Variants in XYLB observed in about 807,000 individuals in gnomAD.
XYLB encodes the protein xylulose kinase.
In XYLB, 62 loss-of-function variants were observed where a neutral mutation model predicts 78.7. That is an observed-to-expected ratio of 0.79 (90% CI 0.64 to 0.97). The LOEUF (loss-of-function observed/expected upper bound fraction) is 0.97. XYLB is among the 50% of genes least tolerant of loss of function. XYLB has a pLI of 0.00. For missense variants in XYLB, 687 were observed against 676.8 expected (o/e 1.02, Z -0.17); for synonymous variants, 245 against 247.4 (o/e 0.99, Z 0.09).
chr3:38,393,461 A>G (rs1328561389), intron 15 of XYLB, among the ~76,000 whole-genome samples: 1 of 152,066 alleles, frequency 6.6e-6, no homozygotes, highest in East Asian at 1.9e-4. Flanking sequence ...TCCTGTTTCT[A>G]CTTCATGGGT....
chr3:38,364,998 G>A (rs1559581592), intron 4 of XYLB, among the ~76,000 whole-genome samples: 1 of 152,186 alleles, frequency 6.6e-6, no homozygotes, highest in Non-Finnish European at 1.5e-5. Context: ...TAAGTTGTAG[G>A]GTAGACAGGG....
Position 38,379,326 on chromosome 3 carries a change from C to T in XYLB, c.1275C>T (p.Gly425=), listed in dbSNP as rs1360378495. 6.2e-7 allele frequency: 1 copy of T among 1,614,088 alleles called. No homozygotes were observed. Among genetic ancestry groups the T allele is most frequent in the East Asian group, 2.2e-5 (1 of 44,874 alleles). ...QFMAKRIHAE[G]LGYRVMSKTK... ...TGGCCAAGAGGATTCACGCAGAAGG[C>T]CTGGGCTATCGAGTCAGTAAGTGAG... Residue 425 remains glycine, a synonymous_variant, in exon 15 of 19, where the codon GGC becomes GGT. Coordinates refer to ENST00000207870, the MANE Select transcript of XYLB (RefSeq NM_005108.4).
the XYLB span, among the ~76,000 whole-genome samples, chr3:38,450,473 G>A: frequency 6.6e-6 from 1 of 152,140 alleles, no homozygotes; most frequent in Non-Finnish European, 1.5e-5. Flanking sequence ...GGGTGGGGAA[G>A]CCAGGGAATA....
At chr3:38,449,856 A>G in the XYLB span, among the ~76,000 whole-genome samples, 3 of 152,248 alleles carry the variant, frequency 2.0e-5, no homozygotes, top group Non-Finnish European at 4.4e-5. Context: ...TTAGCACAGC[A>G]TAATCTAATC....
In XYLB at chr3:38,376,960, G is replaced by T. The variant is rs760852858; in HGVS notation, c.1163G>T (p.Gly388Val). Reference protein sequence around the residue: ...DVMEITPEIIGRHRFNTENHK... With the variant: ...DVMEITPEIIVRHRFNTENHK... ...ATGGAGATCACCCCTGAAATTATTG[G>T]ACGTCATAGGTTTAACACAGAAAAC... The change falls in exon 14 of 19, where the codon GGA becomes GTA. Residue 388 changes from glycine to valine, a missense_variant. Gly to Val is a moderately radical substitution (Grantham distance 109). Coordinates refer to ENST00000207870, the MANE Select transcript of XYLB (RefSeq NM_005108.4). 1 of 1,613,976 alleles carries T rather than the reference G, an allele frequency of 6.2e-7. No homozygotes were observed. Among genetic ancestry groups the T allele is most frequent in the South Asian group, 1.1e-5 (1 of 91,056 alleles).
chr3:38,446,415 C>T, the XYLB span, among the ~76,000 whole-genome samples: 1 of 152,190 alleles, frequency 6.6e-6, no homozygotes, highest in Admixed American at 6.5e-5. Context: ...GAAAAGTTCT[C>T]CAAGTCCCCA....
At chr3:38,389,518 C>T (rs535793800) in intron 15 of XYLB, among the ~76,000 whole-genome samples, 190 of 151,882 alleles carry the variant, frequency 1.3e-3, no homozygotes, top group African/African-American at 4.3e-3. Context: ...CCAGAAGGGG[C>T]GGCCGGGCAG....
At chr3:38,365,144 G>T in intron 4 of XYLB, 55 bp from the exon 5 acceptor site, 1 of 1,550,812 alleles carries the variant, frequency 6.4e-7, no homozygotes, top group South Asian at 1.1e-5. Flanking sequence ...GTGTCTTCAG[G>T]AGGCTGTGAC....
chr3:38,420,381 AG>A (rs1294940542), exon 18 of XYLB, among the ~76,000 whole-genome samples: 1 of 152,230 alleles, frequency 6.6e-6, no homozygotes, highest in East Asian at 1.9e-4. Flanking sequence ...TCCTGATCTT[AG>A]CGGACAGCAT....
intron 2 of XYLB, among the ~76,000 whole-genome samples, chr3:38,358,564 G>T (rs1093692): frequency 0.89 from 135,750 of 151,850 alleles, 61,278 homozygotes; most frequent in East Asian, 1. Flanking sequence ...GGTTGGTCTT[G>T]AACTCCCGAC....
At chr3:38,429,875 AG>A in the XYLB span, among the ~76,000 whole-genome samples, 1 of 152,164 alleles carries the variant, frequency 6.6e-6, no homozygotes, top group African/African-American at 2.4e-5. Flanking sequence ...GTCCCTGCAA[AG>A]GACATGAACT....
chr3:38,447,309 T>G, the XYLB span, among the ~76,000 whole-genome samples: 4 of 152,096 alleles, frequency 2.6e-5, no homozygotes, highest in Non-Finnish European at 5.9e-5. Context: ...AACTCTTTTT[T>G]ATTTTATTTT....
chr3:38,445,736 G>T, the XYLB span, among the ~76,000 whole-genome samples: 1 of 152,192 alleles, frequency 6.6e-6, no homozygotes, highest in Non-Finnish European at 1.5e-5. Flanking sequence ...AAGAGTCAGG[G>T]TTTGTTAGAG....
chr3:38,381,069 G>A (rs1265074915), intron 15 of XYLB, among the ~76,000 whole-genome samples: 3 of 152,216 alleles, frequency 2.0e-5, no homozygotes, highest in African/African-American at 7.2e-5. Flanking sequence ...CCAGGAGTTC[G>A]AGACCAGACT....
chr3:38,416,690 G>T (rs923272208), downstream of XYLB, among the ~76,000 whole-genome samples: 3 of 152,168 alleles, frequency 2.0e-5, no homozygotes, highest in African/African-American at 7.2e-5. Flanking sequence ...ATCCATATCT[G>T]AAAAGGTAGA....
chr3:38,431,128 C>A, the XYLB span, among the ~76,000 whole-genome samples: 1 of 152,196 alleles, frequency 6.6e-6, no homozygotes, highest in Admixed American at 6.5e-5. Context: ...GGCATTGAAT[C>A]TATAAATTAC....
chr3:38,435,495 G>A, the XYLB span, among the ~76,000 whole-genome samples: 1 of 152,256 alleles, frequency 6.6e-6, no homozygotes, highest in South Asian at 2.1e-4. Context: ...CAATCATAGT[G>A]GGGGACTTCA....
the XYLB span, among the ~76,000 whole-genome samples, chr3:38,449,164 C>A: frequency 6.6e-6 from 1 of 152,040 alleles, no homozygotes; most frequent in Non-Finnish European, 1.5e-5. Flanking sequence ...TGCTCTGTTG[C>A]CAGGCTGGAG....
chr3:38,376,880 G>C, intron 13 of XYLB, 38 bp from the exon 14 acceptor site: 1 of 1,575,380 alleles, frequency 6.3e-7, no homozygotes, highest in East Asian at 2.2e-5. Flanking sequence ...TTTGTTTTTT[G>C]ACTAATGACG....
Sources: gnomAD v4.1 joint callset for allele counts (sites outside exome capture counted in the v4.1 genomes callset) on GRCh38, gnomAD v4.1.1 for gene constraint, MANE v1.5 for transcripts, NCBI Gene and HGNC (gene_info 2026-07-23, HGNC 2026-07-21) for gene names.